Variants in STK3 observed in about 807,000 individuals in gnomAD.
STK3 encodes the protein serine/threonine kinase 3.
Under a neutral mutation model 58.0 loss-of-function variants are expected in STK3, and 41 were observed. The observed-to-expected ratio is 0.71, with a 90% CI of 0.55 to 0.92. STK3 has a LOEUF of 0.92. Ranked by LOEUF, STK3 falls within the 40% of genes least tolerant of loss-of-function variation. The probability of loss-of-function intolerance (pLI) is 0.00; values close to 1 mark genes in which losing one functional copy is unlikely to be tolerated. For missense variants in STK3, 479 were observed against 602.7 expected, an observed-to-expected ratio of 0.79 and a Z score of 2.15; for synonymous variants, 170 against 191.0, an observed-to-expected ratio of 0.89 and a Z score of 0.91.
rs532084401 is a variant in STK3, at chr8:98,755,595, G to A, written c.237-6205C>T. 1.5e-3 allele frequency among the ~76,000 whole-genome samples: 225 copies of A among 152,170 alleles called. 2 individuals carry two copies. Among genetic ancestry groups the A allele is most frequent in the Non-Finnish European group, 1.7e-3 (117 of 68,034 alleles). On this transcript the variant is annotated intron_variant, in intron 3 of 10. Transcript: ENST00000419617. ...AATGTCCTTTCTCCACTGAACTGCTGTGAATTACAAAATCCACAGATTGGA... is the reference window on the plus strand; with the variant it reads ...AATGTCCTTTCTCCACTGAACTGCTATGAATTACAAAATCCACAGATTGGA...
chr8:98,570,810 A>T (rs1189494988), intron 8 of STK3, among the ~76,000 whole-genome samples: 1 of 152,240 alleles, frequency 6.6e-6, no homozygotes, highest in Non-Finnish European at 1.5e-5. Context: ...TATCCTCATA[A>T]CAACTCTATT....
intron 1 of STK3, chr8:98,439,154 C>T (rs1006404944): frequency 6.6e-6 from 1 of 152,172 alleles, no homozygotes; most frequent in African/African-American, 2.4e-5. Flanking sequence ...ATGTCTGTCA[C>T]CCCCGCTAGT....
At chr8:98,834,866 T>G (rs1421522371) in intron 3 of STK3, among the ~76,000 whole-genome samples, 2 of 152,224 alleles carry the variant, frequency 1.3e-5, no homozygotes, top group Non-Finnish European at 2.9e-5. Flanking sequence ...TAGAGTTTAC[T>G]CCAGCCCAAA....
chr8:98,653,219 C>T (rs969308743), intron 6 of STK3, among the ~76,000 whole-genome samples: 2 of 152,156 alleles, frequency 1.3e-5, no homozygotes, highest in Non-Finnish European at 2.9e-5. Context: ...GAACAACCTG[C>T]TCCTGAATGA....
At chr8:98,581,860 T>TA in intron 7 of STK3, among the ~76,000 whole-genome samples, 1 of 152,086 alleles carries the variant, frequency 6.6e-6, no homozygotes, top group East Asian at 1.9e-4. Flanking sequence ...TTTATATACT[T>TA]ACAATGTCCA....
At chr8:98,809,013 A>C (rs1056773782) in intron 1 of STK3, among the ~76,000 whole-genome samples, 1 of 152,178 alleles carries the variant, frequency 6.6e-6, no homozygotes, top group Admixed American at 6.5e-5. Context: ...TAAAAACCCT[A>C]AATGATGGGA....
intron 10 of STK3, among the ~76,000 whole-genome samples, chr8:98,477,939 T>G (rs1821508064): frequency 6.6e-6 from 1 of 152,054 alleles, no homozygotes; most frequent in South Asian, 2.1e-4. Context: ...TCCCCAAGTT[T>G]GGACAACCCA....
Position 98,767,359 on chromosome 8 carries a change from A to T in STK3, c.120T>A (p.Ser40Arg). The T allele has an allele frequency of 6.2e-7, 1 of 1,604,926 alleles. No individual in the cohort carries two copies. The highest frequency in any genetic ancestry group is 8.5e-7 in the Non-Finnish European group (1 of 1,177,782). ...ATTCCTTGTGTATTGCTTTAAATAC[A>T]CTTCCATAAGACCTAAAAGAAACCA... is the stretch of plus-strand genomic sequence containing the variant. ...LEKLGEGSYG[S>R]VFKAIHKESG... Residue 40 changes from serine (S) to arginine (R), a missense_variant, in exon 3 of 11, where the codon AGT becomes AGA. Ser to Arg is a moderately radical substitution (Grantham distance 110). Coordinates refer to ENST00000419617, the MANE Select transcript of STK3 (RefSeq NM_006281.4).
chr8:98,690,228 T>C (rs369663315), intron 6 of STK3, among the ~76,000 whole-genome samples: 2 of 151,790 alleles, frequency 1.3e-5, no homozygotes, highest in African/African-American at 4.8e-5. Flanking sequence ...AAAAGACATA[T>C]AAATAGGAAA....
At chr8:98,503,785 G>A (rs891785624) in intron 10 of STK3, among the ~76,000 whole-genome samples, 2 of 152,166 alleles carry the variant, frequency 1.3e-5, no homozygotes, top group East Asian at 1.9e-4. Context: ...TGTGATTTCT[G>A]TTCTTTTACA....
intron 1 of STK3, among the ~76,000 whole-genome samples, chr8:98,914,799 C>A (rs1839283360): frequency 6.6e-6 from 1 of 152,144 alleles, no homozygotes; most frequent in African/African-American, 2.4e-5. Context: ...GGACAATAAA[C>A]AGTGGTTGAT....
intron 1 of STK3, chr8:98,905,113 C>T: frequency 7.0e-7 from 1 of 1,437,574 alleles, no homozygotes; most frequent in Non-Finnish European, 9.8e-7. Context: ...GTAAAGTCTG[C>T]CACACGACCC....
chr8:98,429,789 T>G, intron 3 of STK3: 1 of 192,866 alleles, frequency 5.2e-6, no homozygotes. Flanking sequence ...GAGGTTGTCG[T>G]GTGAGTTCTG....
At chr8:98,530,107 T>C (rs1179536961) in intron 9 of STK3, among the ~76,000 whole-genome samples, 1 of 152,218 alleles carries the variant, frequency 6.6e-6, no homozygotes, top group South Asian at 2.1e-4. Context: ...GGTTTCCCAG[T>C]GCACATAAAA....
intron 6 of STK3, among the ~76,000 whole-genome samples, chr8:98,686,447 G>A (rs1193009122): frequency 6.6e-6 from 1 of 152,042 alleles, no homozygotes; most frequent in Non-Finnish European, 1.5e-5. Flanking sequence ...ACGAAAACAT[G>A]GGACTGTCCC....
intron 3 of STK3, chr8:98,413,545 C>A (rs932220738): frequency 3.1e-6 from 2 of 652,782 alleles, no homozygotes; most frequent in Admixed American, 1.8e-5. Flanking sequence ...ACTGTGACAT[C>A]ATCTAGGTCA....
intron 6 of STK3, among the ~76,000 whole-genome samples, chr8:98,699,885 C>G (rs4734411): frequency 3.9e-5 from 6 of 151,956 alleles, no homozygotes; most frequent in South Asian, 2.1e-4. Flanking sequence ...AACCACTGCT[C>G]TCTTCAAAGC....
chr8:98,428,095 C>A lies in STK3; in HGVS notation n.483+6032G>T. 6.2e-7 allele frequency: 1 copy of A among 1,613,894 alleles called. No homozygotes were observed. The highest frequency in any genetic ancestry group is 8.5e-7 in the Non-Finnish European group (1 of 1,180,020). On this transcript the variant is annotated intron_variant and non_coding_transcript_variant, in intron 3 of 3. Transcript: ENST00000517832. This position sits in a 1 kb window ranked among gnomAD's most constrained non-coding sequence, Gnocchi z 6.7. Reference sequence around the variant, plus strand: ...CGCTCGCACACGCTGCTGCGCTTCCCCGAGACGCGCCTGGGCCGCTTGCTG... The same window carrying A: ...CGCTCGCACACGCTGCTGCGCTTCCACGAGACGCGCCTGGGCCGCTTGCTG...
chr8:98,522,721 G>A (rs1006637057), intron 10 of STK3, among the ~76,000 whole-genome samples: 4 of 151,982 alleles, frequency 2.6e-5, no homozygotes, highest in African/African-American at 4.8e-5. Context: ...TTTCTCACCC[G>A]TGAGAACCAA....
Sources: gnomAD v4.1 joint callset for allele counts (sites outside exome capture counted in the v4.1 genomes callset) on GRCh38, gnomAD v4.1.1 for gene constraint, Gnocchi (gnomAD v3.1) non-coding constraint, MANE v1.5 for transcripts, NCBI Gene and HGNC (gene_info 2026-07-23, HGNC 2026-07-21) for gene names.